The following NXPH1 variants were observed in gnomAD, a reference collection of about 807,000 sequenced individuals.
The protein encoded by NXPH1 is neurexophilin 1, also known as neurexophilin-1.
A neutral mutation model predicts 23.7 loss-of-function variants in NXPH1; 5 were observed. That is an observed-to-expected ratio of 0.21 (90% CI 0.11 to 0.44). The LOEUF is 0.44. Ranked by LOEUF, NXPH1 falls within the 20% of genes least tolerant of loss-of-function variation. NXPH1 has a pLI of 0.99. For synonymous variants in NXPH1, 144 were observed against 122.2 expected (o/e 1.18, Z -1.18); for missense variants, 324 against 321.6 (o/e 1.01, Z -0.06).
intron 2 of NXPH1, among the ~76,000 whole-genome samples, chr7:8,586,964 C>G (rs187131015): frequency 1.4e-4 from 22 of 152,024 alleles, no homozygotes; most frequent in African/African-American, 5.3e-4. Flanking sequence ...TCTTTGAATG[C>G]ATAAAGATGG....
At chr7:8,544,821 A>G (rs1159870135) in intron 2 of NXPH1, among the ~76,000 whole-genome samples, 1 of 151,648 alleles carries the variant, frequency 6.6e-6, no homozygotes, top group Non-Finnish European at 1.5e-5. Context: ...TCAAAAGTCA[A>G]GAAAAATTAT....
rs1007449691 is a variant in NXPH1 at position 8,435,559 on chromosome 7, C to T, written c.-110-45C>T. The T allele has an allele frequency of 4.4e-6, 3 of 675,732 alleles. No individual in the cohort carries two copies. The highest frequency in any genetic ancestry group is 8.1e-6 in the Non-Finnish European group (3 of 371,484). 41.9% of individuals were successfully genotyped at this position (675,732 alleles called of 1,614,324 possible). A position where few individuals can be genotyped will look rare whatever the true frequency, so the allele number is the denominator to read the frequency against. On this transcript the variant is annotated intron_variant, in intron 1 of 2. Coordinates refer to ENST00000405863, the MANE Select transcript of NXPH1 (RefSeq NM_152745.3). The surrounding 1 kb of genome is among the most constrained non-coding windows in gnomAD (Gnocchi z 5.9). ...TTCCCCGCTTGATTGTCAAGCCTAA[C>T]CTTGCCCGCGTAGTCATGGGATGTC...
At chr7:8,694,818 A>C (rs911662286) in intron 2 of NXPH1, among the ~76,000 whole-genome samples, 1 of 152,218 alleles carries the variant, frequency 6.6e-6, no homozygotes, top group African/African-American at 2.4e-5. Flanking sequence ...AACTTCTCAG[A>C]GTTAGATACA....
At chr7:8,527,498 G>C (rs557864731) in intron 2 of NXPH1, among the ~76,000 whole-genome samples, 6 of 152,112 alleles carry the variant, frequency 3.9e-5, no homozygotes, top group African/African-American at 1.2e-4. Context: ...TTATGGCTTT[G>C]GCAAACCCAT....
chr7:8,468,865 G>A (rs1046677175), intron 2 of NXPH1, among the ~76,000 whole-genome samples: 10 of 151,936 alleles, frequency 6.6e-5, no homozygotes, highest in African/African-American at 2.4e-4. Context: ...ATTATGGAAA[G>A]GTAGTTTCAT....
At chr7:8,443,819 G>C (rs938724707) in intron 2 of NXPH1, among the ~76,000 whole-genome samples, 4 of 152,158 alleles carry the variant, frequency 2.6e-5, no homozygotes, top group East Asian at 1.9e-4. Flanking sequence ...GGAGCGGCGG[G>C]GGGGAGTTTC....
intron 2 of NXPH1, among the ~76,000 whole-genome samples, chr7:8,665,576 G>T (rs2214579): frequency 0.7 from 105,940 of 151,778 alleles, 37,689 homozygotes; most frequent in East Asian, 1. Flanking sequence ...GATAGTTATA[G>T]AATTTGCATT....
intron 2 of NXPH1, among the ~76,000 whole-genome samples, chr7:8,639,168 T>C (rs1820267731): frequency 6.6e-6 from 1 of 152,178 alleles, no homozygotes; most frequent in Non-Finnish European, 1.5e-5. Context: ...AAATCTTTAA[T>C]AACCAACTAA....
At chr7:8,529,897 C>G (rs1817923829) in intron 2 of NXPH1, among the ~76,000 whole-genome samples, 1 of 152,152 alleles carries the variant, frequency 6.6e-6, no homozygotes, top group African/African-American at 2.4e-5. Flanking sequence ...GGTGATCTTT[C>G]TTTGTCTCAC....
At chr7:8,701,553 C>T (rs1779623605) in intron 2 of NXPH1, among the ~76,000 whole-genome samples, 1 of 152,098 alleles carries the variant, frequency 6.6e-6, no homozygotes, top group East Asian at 1.9e-4. Flanking sequence ...CTACTTTTTA[C>T]ATAGCAAACT....
chr7:8,471,303 G>C (rs1180594426), intron 2 of NXPH1, among the ~76,000 whole-genome samples: 2 of 152,178 alleles, frequency 1.3e-5, no homozygotes, highest in Non-Finnish European at 2.9e-5. Context: ...TAAGTGGAAT[G>C]AACCCTCACT....
chr7:8,744,672 C>T (rs374815293), intron 2 of NXPH1, among the ~76,000 whole-genome samples: 9 of 152,340 alleles, frequency 5.9e-5, no homozygotes, highest in African/African-American at 2.2e-4. Context: ...TGACTTCCCA[C>T]AGGCGCTTAA....
chr7:8,732,478 C>G (rs112151309), intron 2 of NXPH1, among the ~76,000 whole-genome samples: 234 of 152,242 alleles, frequency 1.5e-3, no homozygotes, highest in Non-Finnish European at 2.9e-3. Context: ...TTGTATTGAC[C>G]ACTAATTCAG....
At chr7:8,622,489 C>T (rs1245892617) in intron 2 of NXPH1, among the ~76,000 whole-genome samples, 1 of 152,154 alleles carries the variant, frequency 6.6e-6, no homozygotes, top group Non-Finnish European at 1.5e-5. Context: ...ATTGGAGTTA[C>T]ATTAGACCTT....
At chr7:8,695,917 C>A (rs1031338157) in intron 2 of NXPH1, among the ~76,000 whole-genome samples, 3 of 152,076 alleles carry the variant, frequency 2.0e-5, no homozygotes, top group Non-Finnish European at 4.4e-5. Flanking sequence ...TTAATTTCTT[C>A]TTTTTAAAAA....
intron 2 of NXPH1, among the ~76,000 whole-genome samples, chr7:8,452,589 G>A (rs1276485105): frequency 2.0e-5 from 3 of 152,134 alleles, no homozygotes; most frequent in Non-Finnish European, 2.9e-5. Context: ...GATTATTCAT[G>A]GTGGGGAATT....
rs541070731 is a variant in NXPH1, at chr7:8,683,776, A to G, written c.55-67232A>G. Among the ~76,000 whole-genome samples, 15 of 152,258 alleles carry G rather than the reference A, an allele frequency of 9.9e-5. 1 individual carries two copies. The highest frequency in any genetic ancestry group is 3.6e-4 in the African/African-American group (15 of 41,528). On this transcript the variant is annotated intron_variant, in intron 2 of 2. Transcript: ENST00000405863. Reference sequence around the variant, plus strand: ...CTTGTCACTTAACAAATATATATTGACACATATTATGTTCAAGACACTAGC... The same window carrying G: ...CTTGTCACTTAACAAATATATATTGGCACATATTATGTTCAAGACACTAGC...
intron 2 of NXPH1, among the ~76,000 whole-genome samples, chr7:8,499,624 C>A (rs1017160340): frequency 2.0e-5 from 3 of 152,092 alleles, no homozygotes; most frequent in Non-Finnish European, 4.4e-5. Context: ...AGGTTCCACA[C>A]AGAAATGCTC....
intron 2 of NXPH1, among the ~76,000 whole-genome samples, chr7:8,618,144 C>A (rs1225247228): frequency 6.6e-6 from 1 of 152,138 alleles, no homozygotes; most frequent in African/African-American, 2.4e-5. Flanking sequence ...CAACCTACAT[C>A]TTTTCTTTGA....
Sources: gnomAD v4.1 joint callset for allele counts (sites outside exome capture counted in the v4.1 genomes callset) on GRCh38, gnomAD v4.1.1 for gene constraint, Gnocchi (gnomAD v3.1) non-coding constraint, MANE v1.5 for transcripts, NCBI Gene and HGNC (gene_info 2026-07-23, HGNC 2026-07-21) for gene names.